The following CADM2 variants were observed in gnomAD, a reference collection of about 807,000 sequenced individuals.
CADM2 encodes immunoglobulin superfamily member 4D.
CADM2 carries 12 observed loss-of-function variants against 49.8 expected under a neutral mutation model. That is an observed-to-expected ratio of 0.24 (90% confidence interval 0.15 to 0.39). The LOEUF is 0.39. Among genes scored for constraint, CADM2 ranks in the 10% least tolerant of loss-of-function variants. CADM2 has a pLI of 1.00. For missense variants in CADM2, 378 were observed against 492.3 expected (o/e 0.77, Z 2.20); for synonymous variants, 214 against 175.4 (o/e 1.22, Z -1.74).
chr3:85,319,452 C>T (rs1433841855), intron 1 of CADM2, among the ~76,000 whole-genome samples: 1 of 152,182 alleles, frequency 6.6e-6, no homozygotes, highest in Non-Finnish European at 1.5e-5. Context: ...GGTGCATACC[C>T]AGTGGAATAT....
chr3:85,551,229 A>G (rs1000848784), intron 1 of CADM2, among the ~76,000 whole-genome samples: 4 of 152,038 alleles, frequency 2.6e-5, no homozygotes, highest in African/African-American at 7.2e-5. Flanking sequence ...GGATCCTCCA[A>G]CCTCAGCCTC....
At chr3:85,152,294 T>C (rs1466494808) in intron 1 of CADM2, among the ~76,000 whole-genome samples, 2 of 152,158 alleles carry the variant, frequency 1.3e-5, no homozygotes, top group East Asian at 3.9e-4. Context: ...TGCCTCTGTA[T>C]GTGGGTGAGT....
At chr3:85,443,310 A>G (rs2037295880) in intron 1 of CADM2, among the ~76,000 whole-genome samples, 1 of 152,184 alleles carries the variant, frequency 6.6e-6, no homozygotes, top group Non-Finnish European at 1.5e-5. Flanking sequence ...AATTGATGCC[A>G]TGGAAGAAAT....
intron 1 of CADM2, among the ~76,000 whole-genome samples, chr3:85,278,889 A>G (rs1292788693): frequency 1.3e-5 from 2 of 151,606 alleles, no homozygotes; most frequent in Middle Eastern, 6.8e-3. Context: ...TAACAATTCT[A>G]GTTATGGAGT....
chr3:85,458,214 C>T (rs1385758220), intron 1 of CADM2, among the ~76,000 whole-genome samples: 2 of 152,168 alleles, frequency 1.3e-5, no homozygotes, highest in African/African-American at 2.4e-5. Context: ...TGCTGAATAA[C>T]GTTATTCTTT....
intron 1 of CADM2, among the ~76,000 whole-genome samples, chr3:85,110,936 A>G (rs867770617): frequency 1.3e-5 from 2 of 151,854 alleles, no homozygotes; most frequent in Non-Finnish European, 2.9e-5. Flanking sequence ...TTCCATTGAT[A>G]ACTATCTAAA....
intron 1 of CADM2, among the ~76,000 whole-genome samples, chr3:85,653,698 G>T (rs527885633): frequency 6.6e-5 from 10 of 152,216 alleles, no homozygotes; most frequent in Non-Finnish European, 1.5e-4. Flanking sequence ...GAAAGAATCA[G>T]AATATAAATG....
At chr3:85,599,995 A>T (rs1266794427) in intron 1 of CADM2, among the ~76,000 whole-genome samples, 1 of 152,044 alleles carries the variant, frequency 6.6e-6, no homozygotes, top group Non-Finnish European at 1.5e-5. Context: ...ATAAAATGAA[A>T]TAAAGTGTTT....
At chr3:85,606,965 G>A (rs1267562333) in intron 1 of CADM2, among the ~76,000 whole-genome samples, 3 of 152,030 alleles carry the variant, frequency 2.0e-5, no homozygotes, top group Admixed American at 6.6e-5. Context: ...ATAAGAGATG[G>A]AGAAGTCAAT....
chr3:85,105,562 A>C (rs2038184556), intron 1 of CADM2, among the ~76,000 whole-genome samples: 1 of 152,162 alleles, frequency 6.6e-6, no homozygotes, highest in Non-Finnish European at 1.5e-5. Flanking sequence ...TAGAACTAGA[A>C]ATACCATTTG....
At chr3:85,353,180 C>G (rs1029049832) in intron 1 of CADM2, among the ~76,000 whole-genome samples, 22 of 151,924 alleles carry the variant, frequency 1.4e-4, no homozygotes, top group African/African-American at 5.1e-4. Flanking sequence ...ATGTCATTGA[C>G]TAGAATTCCA....
At chr3:85,890,406 C>G (rs1714266560) in intron 5 of CADM2, among the ~76,000 whole-genome samples, 2 of 152,140 alleles carry the variant, frequency 1.3e-5, no homozygotes, top group Non-Finnish European at 2.9e-5. Context: ...CAATTATGCA[C>G]TGGTCTCAGA....
intron 1 of CADM2, among the ~76,000 whole-genome samples, chr3:85,284,454 C>T (rs1488660899): frequency 4.6e-5 from 7 of 151,984 alleles, no homozygotes; most frequent in Non-Finnish European, 2.9e-5. Flanking sequence ...AGAAAAATAT[C>T]AGGATGGAAG....
intron 1 of CADM2, among the ~76,000 whole-genome samples, chr3:85,271,507 C>A (rs1231041463): frequency 6.6e-6 from 1 of 151,098 alleles, no homozygotes. Flanking sequence ...AACCTATTTT[C>A]TTCGTGTTAT....
intron 1 of CADM2, among the ~76,000 whole-genome samples, chr3:85,381,149 G>C (rs902240605): frequency 6.6e-6 from 1 of 151,952 alleles, no homozygotes; most frequent in Non-Finnish European, 1.5e-5. Flanking sequence ...TGCATATATA[G>C]AGAAGTGATA....
intron 8 of CADM2, chr3:86,013,201 G>T: frequency 7.2e-7 from 1 of 1,379,746 alleles, no homozygotes; most frequent in Non-Finnish European, 1.0e-6. Flanking sequence ...GAAAAACATT[G>T]ATGAAACTTC....
chr3:85,031,722 G>C (rs1486596405), intron 1 of CADM2, among the ~76,000 whole-genome samples: 1 of 151,736 alleles, frequency 6.6e-6, no homozygotes, highest in African/African-American at 2.4e-5. Context: ...GGGTTTCACA[G>C]TGTTAGCCAG....
At chr3:86,025,072 T>G (rs1733720961) in intron 8 of CADM2, among the ~76,000 whole-genome samples, 1 of 151,818 alleles carries the variant, frequency 6.6e-6, no homozygotes, top group African/African-American at 2.4e-5. Context: ...TGTTTTGTTT[T>G]GGAGACGGAG....
chr3:85,221,576 C>T (rs964645297), intron 1 of CADM2, among the ~76,000 whole-genome samples: 1 of 152,046 alleles, frequency 6.6e-6, no homozygotes, highest in African/African-American at 2.4e-5. Context: ...TTGGAAGTTA[C>T]CCTGTATCTT....
Sources: allele counts gnomAD v4.1 joint callset (sites outside exome capture counted in the v4.1 genomes callset), GRCh38; gene constraint gnomAD v4.1.1; transcripts MANE v1.5; gene names NCBI Gene and HGNC (gene_info 2026-07-23, HGNC 2026-07-21).